MAP3K7CL: variants seen among roughly 807,000 people sequenced by gnomAD.
MAP3K7CL encodes the protein MAP3K7 C-terminal-like protein.
MAP3K7CL carries 16 observed loss-of-function variants against 18.6 expected under a neutral mutation model. The ratio of observed to expected loss-of-function variants is 0.86; its 90% CI spans 0.58 to 1.31. The LOEUF is 1.31. MAP3K7CL is among the 50% of genes most tolerant of loss of function. The probability of loss-of-function intolerance (pLI) is 0.00; values close to 1 mark genes in which losing one functional copy is unlikely to be tolerated. For synonymous variants in MAP3K7CL, 65 were observed against 66.8 expected, an observed-to-expected ratio of 0.97 and a Z score of 0.13; for missense variants, 163 against 174.4, an observed-to-expected ratio of 0.93 and a Z score of 0.37.
At chr21:29,085,309 T>C (rs2085904411), upstream of MAP3K7CL, among the ~76,000 whole-genome samples, 2 of 152,168 alleles carry the variant, frequency 1.3e-5, no homozygotes, top group African/African-American at 4.8e-5. Context: ...AGAAACATAA[T>C]TGAGGCTTTT....
At chr21:29,116,887 A>C (rs757515623) in intron 4 of MAP3K7CL, among the ~76,000 whole-genome samples, 49 of 152,190 alleles carry the variant, frequency 3.2e-4, no homozygotes, top group Admixed American at 2.6e-4. Context: ...ATTTCCTGAT[A>C]TATAAATAAC....
rs569398873 is a variant in MAP3K7CL at position 29,175,672 on chromosome 21, A to G, written c.*780A>G. ...TTGGACATTACTTGGGTGAGTGCCC[A>G]TGAAAACATCAGTGAACTTGTAACT... On this transcript the variant is annotated 3_prime_UTR_variant, in exon 5 of 5. Coordinates refer to ENST00000399928, the MANE Select transcript of MAP3K7CL (RefSeq NM_001286620.2). The G allele has an allele frequency of 1.2e-4, 18 of 152,402 alleles. No individual in the cohort carries two copies. Among genetic ancestry groups the G allele is most frequent in the African/African-American group, 4.3e-4 (18 of 41,572 alleles). 9.4% of individuals were successfully genotyped at this position (152,402 alleles called of 1,614,324 possible). A position where few individuals can be genotyped will look rare whatever the true frequency, so the allele number is the denominator to read the frequency against.
chr21:29,126,117 A>G (rs1601199822), upstream of MAP3K7CL, among the ~76,000 whole-genome samples: 1 of 152,142 alleles, frequency 6.6e-6, no homozygotes, highest in Non-Finnish European at 1.5e-5. Flanking sequence ...CTCCCAGAGG[A>G]CTCTGCATGT....
At chr21:29,110,985 A>G (rs1219670864) in intron 4 of MAP3K7CL, among the ~76,000 whole-genome samples, 3 of 152,066 alleles carry the variant, frequency 2.0e-5, no homozygotes, top group Admixed American at 6.6e-5. Flanking sequence ...GGCTGGGCGC[A>G]GTGGCTCACG....
At chr21:29,103,976 T>C (rs139434678) in intron 4 of MAP3K7CL, among the ~76,000 whole-genome samples, 124 of 152,336 alleles carry the variant, frequency 8.1e-4, no homozygotes, top group Middle Eastern at 3.4e-3. Context: ...TTTTTTTTCT[T>C]GCACAGCAGT....
chr21:29,099,510 CAATA>C (rs2086184127), intron 4 of MAP3K7CL, among the ~76,000 whole-genome samples: 1 of 152,072 alleles, frequency 6.6e-6, no homozygotes, highest in Non-Finnish European at 1.5e-5. Context: ...TAAAACATCT[CAATA>C]TATATAAGTA....
rs750714284 is a variant in MAP3K7CL at position 29,149,157 on chromosome 21, T to A, written c.71-32T>A. ...AGGACTCCTACAAGAAAGAGCTCCATAGTGAAGAATCATTTTATTTCCTTG... is the reference window on the plus strand; with the variant it reads ...AGGACTCCTACAAGAAAGAGCTCCAAAGTGAAGAATCATTTTATTTCCTTG... On this transcript the variant is annotated intron_variant, in intron 2 of 4. Transcript: ENST00000399928. 9 of 1,591,640 alleles carry A rather than the reference T, an allele frequency of 5.7e-6. No individual in the cohort carries two copies. The Admixed American group carries it at 1.3e-4, about 24-fold the overall frequency.
chr21:29,107,165 AAT>A (rs1266815107), intron 4 of MAP3K7CL, among the ~76,000 whole-genome samples: 4 of 151,908 alleles, frequency 2.6e-5, no homozygotes, highest in African/African-American at 9.7e-5. Flanking sequence ...AAAATACAAA[AAT>A]TAGTCGGGCA....
upstream of MAP3K7CL, among the ~76,000 whole-genome samples, chr21:29,083,347 A>T (rs1412770834): frequency 1.3e-5 from 2 of 152,230 alleles, no homozygotes; most frequent in African/African-American, 4.8e-5. Context: ...ATGAAGCCAG[A>T]CCATTAAAGT....
upstream of MAP3K7CL, among the ~76,000 whole-genome samples, chr21:29,083,609 T>C (rs948762798): frequency 1.3e-5 from 2 of 152,190 alleles, no homozygotes; most frequent in Admixed American, 1.3e-4. Flanking sequence ...TGTTTTTGTT[T>C]CTCTCTTTAA....
chr21:29,085,912 C>T, exon 1 of MAP3K7CL: 1 of 1,614,106 alleles, frequency 6.2e-7, no homozygotes, highest in South Asian at 1.1e-5. Flanking sequence ...GGCAGCAGAT[C>T]TTAAGGTATG....
chr21:29,129,330 T>G (rs2086736687), upstream of MAP3K7CL, among the ~76,000 whole-genome samples: 1 of 152,212 alleles, frequency 6.6e-6, no homozygotes, highest in South Asian at 2.1e-4. Flanking sequence ...ATGCACCACC[T>G]ATTCATCCTT....
At chr21:29,079,196 A>T (rs1219457570) in intron 1 of MAP3K7CL, among the ~76,000 whole-genome samples, 1 of 152,170 alleles carries the variant, frequency 6.6e-6, no homozygotes, top group African/African-American at 2.4e-5. Flanking sequence ...TGAGATCAGG[A>T]GGTGAAAGGA....
At chr21:29,162,067 G>A (rs2087561952) in intron 4 of MAP3K7CL, among the ~76,000 whole-genome samples, 1 of 152,150 alleles carries the variant, frequency 6.6e-6, no homozygotes, top group African/African-American at 2.4e-5. Context: ...CAGATTGCAT[G>A]ATTACACACA....
intron 1 of MAP3K7CL, among the ~76,000 whole-genome samples, chr21:29,131,713 T>C (rs2086783916): frequency 6.6e-6 from 1 of 152,232 alleles, no homozygotes; most frequent in African/African-American, 2.4e-5. Context: ...AATAAACAGT[T>C]GCTGGTTTTT....
At chr21:29,112,421 A>G (rs2086434555) in intron 4 of MAP3K7CL, among the ~76,000 whole-genome samples, 1 of 152,174 alleles carries the variant, frequency 6.6e-6, no homozygotes. Flanking sequence ...ACTTTGTTTT[A>G]TGTGTCTTCC....
chr21:29,089,307 TA>T (rs1224842196), intron 1 of MAP3K7CL, among the ~76,000 whole-genome samples: 2 of 150,196 alleles, frequency 1.3e-5, no homozygotes, highest in African/African-American at 4.9e-5. Context: ...GAAAGAAGGA[TA>T]ATCTGAGAGC....
chr21:29,154,255 A>G (rs2087346132), intron 3 of MAP3K7CL, among the ~76,000 whole-genome samples: 1 of 152,222 alleles, frequency 6.6e-6, no homozygotes, highest in Admixed American at 6.5e-5. Flanking sequence ...TATTGAATGA[A>G]ATACTTAAGA....
At chr21:29,157,879 C>CAT (rs1462093545) in intron 3 of MAP3K7CL, among the ~76,000 whole-genome samples, 1 of 152,214 alleles carries the variant, frequency 6.6e-6, no homozygotes, top group Non-Finnish European at 1.5e-5. Context: ...CAGCAAAAGA[C>CAT]ATATCTCCCT....
Sources: gnomAD v4.1 joint callset for allele counts (sites outside exome capture counted in the v4.1 genomes callset) on GRCh38, gnomAD v4.1.1 for gene constraint, MANE v1.5 for transcripts, NCBI Gene and HGNC (gene_info 2026-07-23, HGNC 2026-07-21) for gene names.